RASA1: variants seen among roughly 807,000 people sequenced by gnomAD.
RASA1 encodes the protein RAS p21 protein activator 1.
Under a neutral mutation model 132.2 loss-of-function variants are expected in RASA1, and 25 were observed. That is an observed-to-expected ratio of 0.19 (90% CI 0.14 to 0.26). The LOEUF is 0.26. RASA1 is among the 10% of genes least tolerant of loss of function. The probability of loss-of-function intolerance (pLI) is 1.00; values close to 1 mark genes in which losing one functional copy is unlikely to be tolerated. For synonymous variants in RASA1, 477 were observed against 449.9 expected (o/e 1.06, Z -0.76); for missense variants, 964 against 1,299.2 (o/e 0.74, Z 3.97).
chr5:87,345,938 T>G (rs1374532462), intron 6 of RASA1, among the ~76,000 whole-genome samples: 3 of 152,156 alleles, frequency 2.0e-5, no homozygotes, highest in Non-Finnish European at 2.9e-5. Flanking sequence ...GGTGATTTTA[T>G]GTACTTTGAT....
chr5:87,289,569 T>C (rs1033084453), intron 1 of RASA1, among the ~76,000 whole-genome samples: 6 of 152,106 alleles, frequency 3.9e-5, no homozygotes, highest in Non-Finnish European at 7.4e-5. Context: ...TAGGGGAGAT[T>C]AGGCTGGGCA....
intron 2 of RASA1, 39 bp from the exon 3 acceptor site, chr5:87,332,468 A>T: frequency 6.4e-7 from 1 of 1,565,802 alleles, no homozygotes; most frequent in South Asian, 1.1e-5. Context: ...AATTGGCTGT[A>T]AAGATTTTTT....
intron 15 of RASA1, 97 bp downstream of exon 15, chr5:87,375,013 G>T: frequency 7.0e-7 from 1 of 1,421,786 alleles, no homozygotes; most frequent in Admixed American, 2.3e-5. Context: ...TAAAAAAACA[G>T]AAATGCAAGT....
chr5:87,274,657 G>A (rs1394816843), intron 1 of RASA1, among the ~76,000 whole-genome samples: 2 of 152,048 alleles, frequency 1.3e-5, no homozygotes, highest in African/African-American at 2.4e-5. Flanking sequence ...TTCAGGCTAG[G>A]TTAAGATAAA....
intron 1 of RASA1, among the ~76,000 whole-genome samples, chr5:87,283,418 G>C (rs1348774599): frequency 6.6e-6 from 1 of 151,596 alleles, no homozygotes; most frequent in Non-Finnish European, 1.5e-5. Context: ...TTGATTGTAT[G>C]TTGGGCATTT....
Position 87,372,159 on chromosome 5 carries a change from A to T in RASA1, c.1740A>T (p.Lys580Asn). The T allele has an allele frequency of 8.7e-6, 14 of 1,613,730 alleles. No individual in the cohort carries two copies. The highest frequency in any genetic ancestry group is 1.2e-5 in the Non-Finnish European group (14 of 1,179,776). ...TGCAGGCATTTTGCAATTTACGGAA[A>T]AGTAGTCCAGGGACATCCAATAAAC... ...KGLQAFCNLR[K>N]SSPGTSNKRL... Residue 580 changes from lysine (K) to asparagine (N), a missense_variant, in exon 13 of 25, where the codon AAA becomes AAT. Around this residue, in one of 6 missense-constraint regions of RASA1, gnomAD observed 346 missense variants for 520.1 expected, o/e 0.67. Transcript: ENST00000274376.
intron 24 of RASA1, among the ~76,000 whole-genome samples, chr5:87,390,485 T>C (rs1490396232): frequency 6.6e-6 from 1 of 151,594 alleles, no homozygotes; most frequent in Non-Finnish European, 1.5e-5. Flanking sequence ...AGATATTAAA[T>C]AAAAAAAGCC....
chr5:87,304,199 G>A (rs891987353), intron 1 of RASA1, among the ~76,000 whole-genome samples: 8 of 152,194 alleles, frequency 5.3e-5, no homozygotes, highest in African/African-American at 1.9e-4. Flanking sequence ...TGCTAGTGTG[G>A]TAAAGCATTT....
In RASA1 at chr5:87,317,936, G is replaced by A. The variant is rs368927333; in HGVS notation, c.540-13412G>A. Among the ~76,000 whole-genome samples, 36 of 151,972 alleles carry A rather than the reference G, an allele frequency of 2.4e-4. No individual in the cohort carries two copies. The East Asian group carries it at 6.8e-3, about 29-fold the overall frequency. On this transcript the variant is annotated intron_variant, in intron 1 of 24. Coordinates refer to ENST00000274376, the MANE Select transcript of RASA1 (RefSeq NM_002890.3). Reference sequence around the variant, plus strand: ...CAGGCTTGAGCCACCGCGCCCAGCCGTTTTTCTCACACTCTTAAGCTCATT... The same window carrying A: ...CAGGCTTGAGCCACCGCGCCCAGCCATTTTTCTCACACTCTTAAGCTCATT...
intron 23 of RASA1, among the ~76,000 whole-genome samples, chr5:87,387,569 G>A (rs1193302520): frequency 6.6e-6 from 1 of 152,138 alleles, no homozygotes; most frequent in Non-Finnish European, 1.5e-5. Flanking sequence ...CCAGGAAGGT[G>A]CATGTACATG....
chr5:87,332,972 A>G (rs1352176223), intron 3 of RASA1, among the ~76,000 whole-genome samples: 2 of 152,154 alleles, frequency 1.3e-5, no homozygotes, highest in Non-Finnish European at 2.9e-5. Flanking sequence ...TGCCTTGTGT[A>G]TCATCAATGA....
chr5:87,389,343 AAAAAAAG>A (rs1762300644), intron 23 of RASA1, 43 bp from the exon 24 acceptor site: 2 of 1,610,230 alleles, frequency 1.2e-6, no homozygotes, highest in Non-Finnish European at 1.7e-6. Flanking sequence ...AAAAAAACAA[AAAAAAAG>A]AAGATTTGTA....
intron 1 of RASA1, among the ~76,000 whole-genome samples, chr5:87,299,257 A>G (rs2112281275): frequency 6.6e-6 from 1 of 152,330 alleles, no homozygotes; most frequent in Middle Eastern, 3.4e-3. Context: ...AATAGCAAGT[A>G]GTTAAGTTTC....
chr5:87,390,372 A>G (rs1383656684), intron 24 of RASA1, among the ~76,000 whole-genome samples: 1 of 152,088 alleles, frequency 6.6e-6, no homozygotes, highest in Non-Finnish European at 1.5e-5. Context: ...GAGTTTGGTG[A>G]CTGAGTTCTC....
intron 1 of RASA1, among the ~76,000 whole-genome samples, chr5:87,285,618 CTTTT>C (rs548410947): frequency 4.0e-5 from 5 of 126,062 alleles, no homozygotes; most frequent in Non-Finnish European, 6.9e-5. Context: ...TTTTCTTTTT[CTTTT>C]TTTTTTTTTT....
intron 1 of RASA1, among the ~76,000 whole-genome samples, chr5:87,284,223 C>T (rs1221705980): frequency 2.0e-5 from 3 of 152,102 alleles, no homozygotes; most frequent in Non-Finnish European, 2.9e-5. Context: ...AGTGAGGATG[C>T]AATTGTAGTG....
At position 87,374,879 on chromosome 5, in the gene RASA1, T is replaced by C. The variant is rs1225660999; in HGVS notation, c.1974T>C (p.Leu658=). 1 of 1,609,316 alleles carries C rather than the reference T, an allele frequency of 6.2e-7. No homozygotes were observed. ...PPDINRFEIT[L]SNKTKKSKDP... is the part of the protein sequence containing the mutation. ...ACATCAATAGATTTGAAATAACTCT[T>C]AGTAATAAAACAAAGAAAAGCAAAG... is the stretch of plus-strand genomic sequence containing the variant. The change falls in exon 15 of 25, where the codon CTT becomes CTC. Residue 658 remains leucine, a synonymous_variant. Transcript: ENST00000274376.
intron 4 of RASA1, 46 bp downstream of exon 4, chr5:87,333,383 A>C: frequency 6.2e-7 from 1 of 1,605,232 alleles, no homozygotes. Flanking sequence ...AAAGAGCTAG[A>C]CTTCGAAGAT....
At chr5:87,307,978 T>C (rs1041069951) in intron 1 of RASA1, among the ~76,000 whole-genome samples, 4 of 152,332 alleles carry the variant, frequency 2.6e-5, no homozygotes, top group Admixed American at 1.3e-4. Flanking sequence ...CACAAAACTT[T>C]TGAATACTGC....
Sources: gnomAD v4.1 joint callset for allele counts (sites outside exome capture counted in the v4.1 genomes callset) on GRCh38, gnomAD v4.1.1 for gene constraint, gnomAD v4.1.1 regional missense constraint, MANE v1.5 for transcripts, NCBI Gene and HGNC (gene_info 2026-07-23, HGNC 2026-07-21) for gene names.